Variants in ITGA8 observed in about 807,000 individuals in gnomAD.
ITGA8 encodes the protein integrin subunit alpha 8.
ITGA8 carries 91 observed loss-of-function variants against 142.3 expected under a neutral mutation model. That is an observed-to-expected ratio of 0.64 (90% confidence interval 0.54 to 0.76). The LOEUF (loss-of-function observed/expected upper bound fraction) is 0.76. ITGA8 is among the 30% of genes least tolerant of loss of function. The probability of loss-of-function intolerance (pLI) is 0.00; values close to 1 mark genes in which losing one functional copy is unlikely to be tolerated. For missense variants in ITGA8, 1,406 were observed against 1,327.7 expected (o/e 1.06, Z -0.92); for synonymous variants, 505 against 485.2 (o/e 1.04, Z -0.54).
chr10:15,592,281 T>G lies in ITGA8; in HGVS notation c.2235A>C (p.Ala745=), dbSNP rs1388382011. The change falls in exon 22 of 30, where the codon GCA becomes GCC. Residue 745 remains alanine, a synonymous_variant. Transcript: ENST00000378076. ...GTNYSLGLRF[A]VPRLEKTNMS... The stretch of plus-strand genomic sequence containing the variant: ...TGTTTGTTTTCTCAAGACGTGGAAC[T>G]GCAAATCGGAGGCCCAGGGAATACT... The G allele has an allele frequency of 6.2e-7, 1 of 1,613,634 alleles. No individual in the cohort carries two copies. The highest frequency in any genetic ancestry group is 2.2e-5 in the East Asian group (1 of 44,872).
At chr10:15,603,618 G>C (rs114512623) in intron 20 of ITGA8, among the ~76,000 whole-genome samples, 1,752 of 152,332 alleles carry the variant, frequency 0.012, 45 homozygotes, top group African/African-American at 0.041. Flanking sequence ...GGAAGGGGAA[G>C]ACTATAAATA....
At position 15,518,057 on chromosome 10, in the gene ITGA8, T is replaced by C. The variant is rs146594147; in HGVS notation, c.3106-813A>G. 5.8e-3 allele frequency among the ~76,000 whole-genome samples: 881 copies of C among 152,346 alleles called. 6 individuals are homozygous for C. The highest frequency in any genetic ancestry group is 0.021 in the African/African-American group (853 of 41,566). Reference sequence around the variant, plus strand: ...AGAGGGAGAATAGATTTGTCACTTATTTCAATGCCAGAACCAGGTAGGCAC... The same window carrying C: ...AGAGGGAGAATAGATTTGTCACTTACTTCAATGCCAGAACCAGGTAGGCAC... On this transcript the variant is annotated intron_variant, in intron 29 of 29. Coordinates refer to ENST00000378076, the MANE Select transcript of ITGA8 (RefSeq NM_003638.3).
At chr10:15,610,240 A>G (rs1219819752) in intron 15 of ITGA8, among the ~76,000 whole-genome samples, 1 of 152,238 alleles carries the variant, frequency 6.6e-6, no homozygotes, top group African/African-American at 2.4e-5. Context: ...TGATCTAAAG[A>G]AAATTTCAAG....
At chr10:15,562,603 A>T (rs1268408630) in intron 25 of ITGA8, among the ~76,000 whole-genome samples, 3 of 152,230 alleles carry the variant, frequency 2.0e-5, no homozygotes, top group Admixed American at 2.0e-4. Context: ...TTTCTTGAAG[A>T]GAACAAGTGA....
At chr10:15,628,098 G>A (rs1588684469) in intron 13 of ITGA8, among the ~76,000 whole-genome samples, 2 of 151,948 alleles carry the variant, frequency 1.3e-5, no homozygotes, top group South Asian at 4.2e-4. Context: ...ACCCTATATG[G>A]TCTACAAACG....
chr10:15,584,918 G>A (rs1042446485), intron 23 of ITGA8, among the ~76,000 whole-genome samples: 9 of 152,036 alleles, frequency 5.9e-5, no homozygotes, highest in Non-Finnish European at 1.0e-4. Flanking sequence ...TTAGCCGGGC[G>A]TGGTGCATGC....
chr10:15,542,138 G>A (rs1833581054), intron 27 of ITGA8, among the ~76,000 whole-genome samples: 1 of 152,160 alleles, frequency 6.6e-6, no homozygotes, highest in Non-Finnish European at 1.5e-5. Context: ...TATAAGGAAA[G>A]TCACAAAGCT....
At chr10:15,673,345 AGTGCTGGGATTACAG>A (rs1261169931) in intron 6 of ITGA8, among the ~76,000 whole-genome samples, 1 of 152,064 alleles carries the variant, frequency 6.6e-6, no homozygotes, top group African/African-American at 2.4e-5. Context: ...GGCCTCCCAA[AGTGCTGGGATTACAG>A]GTGTGAGCCA....
chr10:15,648,957 G>A lies in ITGA8; in HGVS notation c.1002-1906C>T, dbSNP rs139572586. On this transcript the variant is annotated intron_variant, in intron 11 of 29. Transcript: ENST00000378076. ...CATGGCAGATGGGGAAAAATAATAT[G>A]AGACAATGAAATTAACGCTGGGTAT... is the stretch of plus-strand genomic sequence containing the variant. Among the ~76,000 whole-genome samples, 9 of 152,308 alleles carry A rather than the reference G, an allele frequency of 5.9e-5. No individual in the cohort carries two copies. The East Asian group carries it at 1.7e-3, about 29-fold the overall frequency.
intron 2 of ITGA8, among the ~76,000 whole-genome samples, chr10:15,703,759 A>C (rs1444459821): frequency 6.6e-6 from 1 of 152,158 alleles, no homozygotes; most frequent in Non-Finnish European, 1.5e-5. Context: ...AGACATGCAC[A>C]CACGCACACA....
intron 11 of ITGA8, among the ~76,000 whole-genome samples, chr10:15,648,546 A>C (rs1834028969): frequency 6.6e-6 from 1 of 151,254 alleles, no homozygotes; most frequent in South Asian, 2.1e-4. Flanking sequence ...TATATCAATA[A>C]CAATAACATA....
intron 22 of ITGA8, among the ~76,000 whole-genome samples, chr10:15,591,593 C>T (rs534916384): frequency 2.2e-4 from 34 of 152,086 alleles, no homozygotes; most frequent in South Asian, 2.1e-3. Context: ...TTCCTGTTCA[C>T]GAAATATTAT....
In ITGA8 at chr10:15,616,548, C is replaced by A. The variant is rs1588677424; in HGVS notation, c.1411G>T (p.Gly471Cys). 1.2e-6 allele frequency: 2 copies of A among 1,612,062 alleles called. No individual in the cohort carries two copies. The highest frequency in any genetic ancestry group is 1.7e-6 in the Non-Finnish European group (2 of 1,179,176). ...DKNDYPDLIV[G>C]AFGTGKVAVY... The stretch of plus-strand genomic sequence containing the variant: ...GCGACTTTTCCTGTTCCAAATGCAC[C>A]CACAATCAAATCTTAAAAAGACAAA... Residue 471 changes from glycine (G) to cysteine (C), a missense_variant, in exon 14 of 30, where the codon GGT (glycine) becomes TGT (cysteine). Physicochemically the swap from Gly to Cys is radical, Grantham distance 159. Transcript: ENST00000378076.
chr10:15,691,490 G>A (rs1354099586), intron 2 of ITGA8, among the ~76,000 whole-genome samples: 1 of 152,164 alleles, frequency 6.6e-6, no homozygotes, highest in Non-Finnish European at 1.5e-5. Flanking sequence ...GTATATGATG[G>A]AACACAATTT....
At chr10:15,706,216 C>A (rs1256140896) in intron 2 of ITGA8, among the ~76,000 whole-genome samples, 1 of 151,946 alleles carries the variant, frequency 6.6e-6, no homozygotes, top group Non-Finnish European at 1.5e-5. Context: ...GTTCCTTAGG[C>A]CAAAATTTCC....
chr10:15,519,043 A>G lies in ITGA8; in HGVS notation c.3105+247T>C, dbSNP rs547228380. On this transcript the variant is annotated intron_variant, in intron 29 of 29. Coordinates refer to ENST00000378076, the MANE Select transcript of ITGA8 (RefSeq NM_003638.3). ...GTTAATACAGCCTAACTCTCTCTAC[A>G]TTTATTTACAAGAAATCTCAAGATG... 4.6e-5 allele frequency among the ~76,000 whole-genome samples: 7 copies of G among 152,312 alleles called. No individual in the cohort carries two copies. The East Asian group carries it at 1.2e-3, about 25-fold the overall frequency.
In ITGA8 at chr10:15,578,078, A is replaced by G. The variant is rs572502163; in HGVS notation, c.2373-2484T>C. Among the ~76,000 whole-genome samples the G allele has an allele frequency of 3.3e-5, 5 of 152,248 alleles. No individual in the cohort carries two copies. In the South Asian group the frequency reaches 1.0e-3, roughly 32 times the overall value. On this transcript the variant is annotated intron_variant, in intron 23 of 29. Coordinates refer to ENST00000378076, the MANE Select transcript of ITGA8 (RefSeq NM_003638.3). The stretch of plus-strand genomic sequence containing the variant: ...ACAGCTTGCAAAACCAAAATGTGAT[A>G]TTGTATATAATATCAAAACCAGAAT...
chr10:15,593,904 C>A lies in ITGA8; in HGVS notation c.2212-1600G>T, dbSNP rs551373412. 2.7e-5 allele frequency among the ~76,000 whole-genome samples: 4 copies of A among 149,852 alleles called. No homozygotes were observed. In the East Asian group the frequency reaches 5.9e-4, roughly 22 times the overall value. The stretch of plus-strand genomic sequence containing the variant: ...TTGCCCAGGTTGAAGTACAGTGGCA[C>A]AATCTCAGCTCACTGCAACCTCCAC... On this transcript the variant is annotated intron_variant, in intron 21 of 29. Transcript: ENST00000378076.
At chr10:15,572,783 C>A (rs746208919) in intron 24 of ITGA8, among the ~76,000 whole-genome samples, 1 of 152,168 alleles carries the variant, frequency 6.6e-6, no homozygotes. Flanking sequence ...TCAATTGCAA[C>A]CATATGTGAT....
Sources: gnomAD v4.1 joint callset for allele counts (sites outside exome capture counted in the v4.1 genomes callset) on GRCh38, gnomAD v4.1.1 for gene constraint, MANE v1.5 for transcripts, NCBI Gene and HGNC (gene_info 2026-07-23, HGNC 2026-07-21) for gene names.